The following PSD variants were observed in gnomAD, a reference collection of about 807,000 sequenced individuals.
PSD encodes PH and SEC7 domain-containing protein 1.
In PSD, 32 loss-of-function variants were observed where a neutral mutation model predicts 91.6. The observed-to-expected ratio is 0.35, with a 90% confidence interval of 0.26 to 0.47. The LOEUF (loss-of-function observed/expected upper bound fraction) is 0.47. Ranked by LOEUF, PSD falls within the 20% of genes least tolerant of loss-of-function variation. PSD has a pLI of 1.00. For synonymous variants in PSD, 532 were observed against 569.3 expected (o/e 0.93, Z 0.93); for missense variants, 1,099 against 1,373.9 (o/e 0.80, Z 3.16).
rs2061426056 is a variant in PSD at position 102,411,666 on chromosome 10, T to C, written c.1942+41A>G. 5.3e-6 allele frequency: 8 copies of C among 1,519,278 alleles called. No individual in the cohort carries two copies. In the East Asian group the frequency reaches 1.6e-4, roughly 31 times the overall value. 94.1% of individuals were successfully genotyped at this position (1,519,278 alleles called of 1,614,324 possible). Reference sequence around the variant, plus strand: ...CACAGGGCCCAGCCCATTTTGCCACTGTGGCCAGCTAAGGACACCCCTGCT... The same window carrying C: ...CACAGGGCCCAGCCCATTTTGCCACCGTGGCCAGCTAAGGACACCCCTGCT... On this transcript the variant is annotated intron_variant, in intron 8 of 16. Transcript: ENST00000020673.
rs2061402603 is a variant in PSD, at chr10:102,409,437, G to C, written c.2091+1421C>G. 5.4e-6 allele frequency: 4 copies of C among 745,648 alleles called. No homozygotes were observed. Among genetic ancestry groups the C allele is most frequent in the African/African-American group, 1.9e-5 (1 of 52,562 alleles). 46.2% of individuals were successfully genotyped at this position (745,648 alleles called of 1,614,324 possible). On this transcript the variant is annotated intron_variant, in intron 10 of 16. Coordinates refer to ENST00000020673, the MANE Select transcript of PSD (RefSeq NM_002779.5). This position sits in a 1 kb window ranked among gnomAD's most constrained non-coding sequence, Gnocchi z 5.7. The stretch of plus-strand genomic sequence containing the variant: ...AGGCCAGCGTGGGTGGCAGCTCCAG[G>C]GAGGCTGAGAGCACCGCTAGGCCTG...
At chr10:102,411,213 C>T (rs1325346875) in intron 8 of PSD, 97 bp from the exon 9 acceptor site, 15 of 1,202,936 alleles carry the variant, frequency 1.2e-5, no homozygotes, top group Non-Finnish European at 1.7e-5. Flanking sequence ...CCCCTTTGGC[C>T]GGCAACTTCC....
Position 102,405,461 on chromosome 10 carries a change from C to T in PSD, c.2211G>A (p.Gly737=). Residue 737 remains glycine, a synonymous_variant, in exon 12 of 17, where the codon GGG becomes GGA. Transcript: ENST00000020673. This position sits in a 1 kb window ranked among gnomAD's most constrained non-coding sequence, Gnocchi z 5.4. ...PNPKVIKRIS[G]GSGSGSSPFL... Reference sequence around the variant, plus strand: ...AAGGGCTGGAGCCACTGCCACTGCCCCCGCTGATCCGCTTGATGACCTTGG... The same window carrying T: ...AAGGGCTGGAGCCACTGCCACTGCCTCCGCTGATCCGCTTGATGACCTTGG... 1.2e-6 allele frequency: 2 copies of T among 1,614,022 alleles called. No individual in the cohort carries two copies. The highest frequency in any genetic ancestry group is 1.7e-6 in the Non-Finnish European group (2 of 1,180,002).
At chr10:102,417,184 A>G in intron 1 of PSD, 63 bp from the exon 2 acceptor site, 2 of 590,750 alleles carry the variant, frequency 3.4e-6, no homozygotes, top group Middle Eastern at 9.0e-4. Flanking sequence ...AGGACAGCAG[A>G]GATAGGGAAG....
chr10:102,415,234 A>C lies in PSD; in HGVS notation c.758-5T>G. 6.2e-7 allele frequency: 1 copy of C among 1,601,584 alleles called. No homozygotes were observed. Among genetic ancestry groups the C allele is most frequent in the Non-Finnish European group, 8.5e-7 (1 of 1,172,820 alleles). ...CCTGCTCTGGGGGCTTAGCACCTGT[A>C]GTGTGCATAGGCATCCAGGTCAGGA... On this transcript the variant is annotated splice_polypyrimidine_tract_variant and splice_region_variant and intron_variant, in intron 3 of 16. Coordinates refer to ENST00000020673, the MANE Select transcript of PSD (RefSeq NM_002779.5).
At chr10:102,411,938 G>A in intron 7 of PSD, 119 bp from the exon 8 acceptor site, 1 of 905,312 alleles carries the variant, frequency 1.1e-6, no homozygotes, top group South Asian at 1.4e-5. Flanking sequence ...AGAGAAAGGG[G>A]ATGAGGGTAT....
Position 102,403,484 on chromosome 10 carries a change from C to T in PSD, c.2845-54G>A. 6.6e-7 allele frequency: 1 copy of T among 1,504,274 alleles called. No homozygotes were observed. Among genetic ancestry groups the T allele is most frequent in the East Asian group, 2.3e-5 (1 of 42,680 alleles). 93.2% of individuals were successfully genotyped at this position (1,504,274 alleles called of 1,614,324 possible). A position where few individuals can be genotyped will look rare whatever the true frequency, so the allele number is the denominator to read the frequency against. On this transcript the variant is annotated intron_variant, in intron 16 of 16. Transcript: ENST00000020673. This position sits in a 1 kb window ranked among gnomAD's most constrained non-coding sequence, Gnocchi z 6.7. ...GCCTCTTCTCTGCCTTCTGCCCACC[C>T]CACCATCTGGACCAGGGAGGGCCGC... is the stretch of plus-strand genomic sequence containing the variant.
At chr10:102,408,114 C>T (rs1037713852) in intron 10 of PSD, among the ~76,000 whole-genome samples, 4 of 152,220 alleles carry the variant, frequency 2.6e-5, no homozygotes, top group Non-Finnish European at 5.9e-5. Context: ...CACGCCAGCA[C>T]CTCCAACTGT....
rs956222270 is a variant in PSD, at chr10:102,403,129, C to T, written c.*71G>A. ...GAGGCCCTCGTGGGTGGCCCGAGGC[C>T]GGCCCGGGCTCAGGCAGGGCCATGT... On this transcript the variant is annotated 3_prime_UTR_variant, in exon 17 of 17. Coordinates refer to ENST00000020673, the MANE Select transcript of PSD (RefSeq NM_002779.5). The surrounding 1 kb of genome is among the most constrained non-coding windows in gnomAD (Gnocchi z 6.7). 6.1e-5 allele frequency: 78 copies of T among 1,283,426 alleles called. No homozygotes were observed. In the African/African-American group the frequency reaches 9.4e-4, roughly 16 times the overall value. 79.5% of individuals were successfully genotyped at this position (1,283,426 alleles called of 1,614,324 possible). A position where few individuals can be genotyped will look rare whatever the true frequency, so the allele number is the denominator to read the frequency against.
Position 102,410,934 on chromosome 10 carries a change from C to G in PSD, c.2015G>C (p.Arg672Pro). The G allele has an allele frequency of 3.1e-6, 5 of 1,613,702 alleles. No individual in the cohort carries two copies. Among genetic ancestry groups the G allele is most frequent in the African/African-American group, 1.3e-5 (1 of 75,042 alleles). Residue 672 changes from arginine (R) to proline (P), a missense_variant, in exon 10 of 17, where the codon CGC becomes CCC. Arg to Pro is a moderately radical substitution (Grantham distance 103). Transcript: ENST00000020673. This position sits in a 1 kb window ranked among gnomAD's most constrained non-coding sequence, Gnocchi z 6.0. Reference protein sequence around the residue: ...TDLHGHNIGKRMTCGDFIGNL... With the variant: ...TDLHGHNIGKPMTCGDFIGNL... ...CCCGATGAAGTCCCCGCAGGTCATG[C>G]GCTTCCCGATGTTCTAAGGAAGGGA...
At chr10:102,407,134 C>T in intron 11 of PSD, 89 bp downstream of exon 11, 1 of 1,257,960 alleles carries the variant, frequency 7.9e-7, no homozygotes, top group Non-Finnish European at 1.1e-6. Flanking sequence ...CCTACCCCCA[C>T]CCAGGGCCTA....
chr10:102,419,123 G>T (rs2061524688), upstream of PSD: 1 of 255,846 alleles, frequency 3.9e-6, no homozygotes, highest in Admixed American at 4.8e-5. This position sits in a 1 kb window ranked among gnomAD's most constrained non-coding sequence, Gnocchi z 4.8. Context: ...TCCCTAGGAG[G>T]CTGCCACATG....
Position 102,404,952 on chromosome 10 carries a change from G to T in PSD, c.2501C>A (p.Pro834His). Reference protein sequence around the residue: ...ATRASDYSKRPHVFYLRTADW... With the variant: ...ATRASDYSKRHHVFYLRTADW... The stretch of plus-strand genomic sequence containing the variant: ...AGCTGTGCGCAGGTAGAAGACGTGG[G>T]GCCTCTTGCTGTAGTCACTGGCACG... The change falls in exon 14 of 17, where the codon CCC becomes CAC. Residue 834 changes from proline to histidine, a missense_variant. This residue lies in a region of PSD where 358 missense variants were observed against 426.5 expected (regional missense o/e 0.84). Transcript: ENST00000020673. This position sits in a 1 kb window ranked among gnomAD's most constrained non-coding sequence, Gnocchi z 5.7. 1.2e-6 allele frequency: 2 copies of T among 1,614,070 alleles called. No homozygotes were observed. Among genetic ancestry groups the T allele is most frequent in the Non-Finnish European group, 1.7e-6 (2 of 1,179,978 alleles).
rs2061517427 is a variant in PSD at position 102,418,778 on chromosome 10, TC to T, written c.-162del. 2 of 454,562 alleles carry T rather than the reference TC, an allele frequency of 4.4e-6. No individual in the cohort carries two copies. The highest frequency in any genetic ancestry group is 3.1e-5 in the South Asian group (2 of 64,496). 28.2% of individuals were successfully genotyped at this position (454,562 alleles called of 1,614,324 possible). On this transcript the variant is annotated 5_prime_UTR_variant, in exon 1 of 17. Coordinates refer to ENST00000020673, the MANE Select transcript of PSD (RefSeq NM_002779.5). ...AGCTGAGCTGTGAAGGCAGCGCGGCTCCCGTTTGCTCCAGGCCCGCCCGCCT... is the reference window on the plus strand; with the variant it reads ...AGCTGAGCTGTGAAGGCAGCGCGGCTCCGTTTGCTCCAGGCCCGCCCGCCT...
In PSD at chr10:102,409,778, A is replaced by T. The variant is rs1344179010; in HGVS notation, c.2091+1080T>A. On this transcript the variant is annotated intron_variant, in intron 10 of 16. Transcript: ENST00000020673. This position sits in a 1 kb window ranked among gnomAD's most constrained non-coding sequence, Gnocchi z 5.7. ...ACTACCCATTCAGATGGACACTTCA[A>T]AACTTAGAATCTTTAGCTCACAAAG... Among the ~76,000 whole-genome samples, 1 of 152,140 alleles carries T rather than the reference A, an allele frequency of 6.6e-6. No homozygotes were observed. The highest frequency in any genetic ancestry group is 1.5e-5 in the Non-Finnish European group (1 of 68,026).
chr10:102,413,177 C>T (rs2061441154), intron 5 of PSD, among the ~76,000 whole-genome samples: 1 of 152,200 alleles, frequency 6.6e-6, no homozygotes, highest in Non-Finnish European at 1.5e-5. Context: ...CGCAAAGCCA[C>T]CTGTCAGCCC....
In PSD at chr10:102,409,845, G is replaced by C. The variant is rs907548171; in HGVS notation, c.2091+1013C>G. Among the ~76,000 whole-genome samples, 5 of 151,948 alleles carry C rather than the reference G, an allele frequency of 3.3e-5. No individual in the cohort carries two copies. The highest frequency in any genetic ancestry group is 7.4e-5 in the Non-Finnish European group (5 of 67,982). On this transcript the variant is annotated intron_variant, in intron 10 of 16. Coordinates refer to ENST00000020673, the MANE Select transcript of PSD (RefSeq NM_002779.5). The surrounding 1 kb of genome is among the most constrained non-coding windows in gnomAD (Gnocchi z 5.7). ...GAGGCATATGGCATACCTCAGACAC[G>C]GCCAATTCGAAGATGTAAACCCCAC...
chr10:102,415,672 G>C (rs2061470639), intron 3 of PSD, among the ~76,000 whole-genome samples: 1 of 152,156 alleles, frequency 6.6e-6, no homozygotes, highest in African/African-American at 2.4e-5. Flanking sequence ...TTGTTGTCCA[G>C]GCTGGTCTTG....
chr10:102,407,610 G>A (rs1399212395), intron 10 of PSD, among the ~76,000 whole-genome samples: 1 of 152,134 alleles, frequency 6.6e-6, no homozygotes, highest in East Asian at 1.9e-4. Flanking sequence ...ATCCTGGGCT[G>A]GAGAAGCACA....
Sources: allele counts gnomAD v4.1 joint callset (sites outside exome capture counted in the v4.1 genomes callset), GRCh38; gene constraint gnomAD v4.1.1; regional missense constraint gnomAD v4.1.1; non-coding constraint Gnocchi (gnomAD v3.1); transcripts MANE v1.5; gene names NCBI Gene and HGNC (gene_info 2026-07-23, HGNC 2026-07-21).